Variants in NKAIN3 observed in about 807,000 individuals in gnomAD.
NKAIN3 encodes the protein sodium/potassium-transporting ATPase subunit beta-1-interacting protein 3.
A neutral mutation model predicts 30.2 loss-of-function variants in NKAIN3; 25 were observed. The ratio of observed to expected loss-of-function variants is 0.83; its 90% confidence interval spans 0.60 to 1.16. The LOEUF (loss-of-function observed/expected upper bound fraction) is 1.16, where lower values mean the gene tolerates loss of function less well. NKAIN3 is among the 50% of genes most tolerant of loss of function. NKAIN3 has a pLI of 0.00. For synonymous variants in NKAIN3, 91 were observed against 89.6 expected (o/e 1.02, Z -0.09); for missense variants, 225 against 254.1 (o/e 0.89, Z 0.78).
At chr8:62,538,502 C>T (rs946133435) in intron 1 of NKAIN3, among the ~76,000 whole-genome samples, 1 of 152,150 alleles carries the variant, frequency 6.6e-6, no homozygotes, top group Non-Finnish European at 1.5e-5. Context: ...TTTTCCTTAA[C>T]TTTTCCCCCC....
chr8:62,688,741 GACACACACACACAC>G (rs375008096), intron 3 of NKAIN3, among the ~76,000 whole-genome samples: 2 of 116,392 alleles, frequency 1.7e-5, no homozygotes, highest in Non-Finnish European at 2.0e-5. Context: ...CAGACAGACA[GACACACACACACAC>G]ACACACACAC....
At position 62,968,759 on chromosome 8, in the gene NKAIN3, T is replaced by A. The variant is rs1307707017; in HGVS notation, c.*3352T>A. Among the ~76,000 whole-genome samples, 1 of 152,196 alleles carries A rather than the reference T, an allele frequency of 6.6e-6. No homozygotes were observed. Among genetic ancestry groups the A allele is most frequent in the Non-Finnish European group, 1.5e-5 (1 of 68,040 alleles). On this transcript the variant is annotated 3_prime_UTR_variant, in exon 7 of 7. Coordinates refer to ENST00000623646, the MANE Select transcript of NKAIN3 (RefSeq NM_001304533.3). ...CGTGCCTTCTATCTTGTGTGAATGA[T>A]GCATCCTTTCTTAAGCGTCTTCTGC... is the stretch of plus-strand genomic sequence containing the variant.
intron 3 of NKAIN3, among the ~76,000 whole-genome samples, chr8:62,677,911 C>T (rs1369430702): frequency 1.3e-5 from 2 of 152,152 alleles, no homozygotes; most frequent in Non-Finnish European, 1.5e-5. Context: ...TCTAGCTAGG[C>T]TGGTCTCTGT....
At chr8:62,651,116 G>GA (rs934163893) in intron 3 of NKAIN3, among the ~76,000 whole-genome samples, 67 of 141,690 alleles carry the variant, frequency 4.7e-4, no homozygotes, top group South Asian at 6.7e-4. Flanking sequence ...GTACCTAAAA[G>GA]AAAAAAAAAA....
chr8:62,779,995 A>G (rs1027409968), intron 4 of NKAIN3, among the ~76,000 whole-genome samples: 1 of 152,124 alleles, frequency 6.6e-6, no homozygotes, highest in African/African-American at 2.4e-5. Context: ...AAACAATACA[A>G]AAGATCATTG....
chr8:62,842,270 GAA>G (rs879506612), intron 4 of NKAIN3, among the ~76,000 whole-genome samples: 2 of 151,828 alleles, frequency 1.3e-5, no homozygotes, highest in African/African-American at 4.8e-5. Context: ...AATAGCAACA[GAA>G]AAAAATTTAA....
At chr8:62,834,353 A>G (rs1819293084) in intron 4 of NKAIN3, among the ~76,000 whole-genome samples, 2 of 152,012 alleles carry the variant, frequency 1.3e-5, no homozygotes, top group Admixed American at 6.6e-5. Flanking sequence ...AATAAATAAA[A>G]TGTATCCAAA....
At chr8:62,669,788 A>G (rs1018137028) in intron 3 of NKAIN3, among the ~76,000 whole-genome samples, 1 of 152,192 alleles carries the variant, frequency 6.6e-6, no homozygotes, top group Non-Finnish European at 1.5e-5. Flanking sequence ...GTATTTAGAT[A>G]CTGCATGAGT....
At chr8:62,307,950 G>A (rs1158165243) in intron 1 of NKAIN3, among the ~76,000 whole-genome samples, 1 of 150,280 alleles carries the variant, frequency 6.7e-6, no homozygotes, top group East Asian at 1.9e-4. Flanking sequence ...GGCAAATAGA[G>A]CTGGTCAGAA....
chr8:62,796,282 G>A (rs948560237), intron 4 of NKAIN3, among the ~76,000 whole-genome samples: 1 of 146,422 alleles, frequency 6.8e-6, no homozygotes, highest in Non-Finnish European at 1.5e-5. Context: ...TACTCCAGAG[G>A]TTGGGACAGG....
intron 1 of NKAIN3, among the ~76,000 whole-genome samples, chr8:62,260,180 C>T (rs1363587858): frequency 1.3e-5 from 2 of 151,706 alleles, no homozygotes; most frequent in Non-Finnish European, 2.9e-5. Flanking sequence ...TAATGAGAGA[C>T]ACAGTAATAA....
At chr8:62,314,125 A>G (rs1026420793) in intron 1 of NKAIN3, among the ~76,000 whole-genome samples, 1 of 152,188 alleles carries the variant, frequency 6.6e-6, no homozygotes, top group Non-Finnish European at 1.5e-5. Context: ...CACTCAGAAT[A>G]AGATCATATG....
At chr8:62,296,993 C>T (rs1813851447) in intron 1 of NKAIN3, among the ~76,000 whole-genome samples, 1 of 152,132 alleles carries the variant, frequency 6.6e-6, no homozygotes, top group Non-Finnish European at 1.5e-5. Context: ...ATGACCAAGT[C>T]GTTCAGGTTC....
intron 3 of NKAIN3, among the ~76,000 whole-genome samples, chr8:62,686,440 G>T (rs1385508703): frequency 7.9e-5 from 12 of 151,936 alleles, no homozygotes; most frequent in Non-Finnish European, 1.5e-5. Context: ...GACAATCTCT[G>T]TACAGCCTGC....
intron 5 of NKAIN3, among the ~76,000 whole-genome samples, chr8:62,939,375 A>G (rs1044506224): frequency 4.6e-5 from 7 of 152,232 alleles, no homozygotes; most frequent in Non-Finnish European, 7.3e-5. Context: ...CTACAGATCT[A>G]GACATCCAAA....
chr8:62,845,997 A>G (rs1206058454), intron 4 of NKAIN3, among the ~76,000 whole-genome samples: 2 of 152,218 alleles, frequency 1.3e-5, no homozygotes, highest in African/African-American at 2.4e-5. Flanking sequence ...TAGAAGATAT[A>G]GAGTGAATTC....
chr8:62,266,307 C>G (rs1812595426), intron 1 of NKAIN3, among the ~76,000 whole-genome samples: 1 of 152,152 alleles, frequency 6.6e-6, no homozygotes, highest in African/African-American at 2.4e-5. Context: ...CATAAAACCA[C>G]TACTTTAGAG....
intron 4 of NKAIN3, among the ~76,000 whole-genome samples, chr8:62,854,895 C>T (rs2130779741): frequency 6.6e-6 from 1 of 152,246 alleles, no homozygotes; most frequent in East Asian, 1.9e-4. Flanking sequence ...AGAGGTTTAA[C>T]ATCCCACTGA....
intron 2 of NKAIN3, among the ~76,000 whole-genome samples, chr8:62,588,337 T>A (rs1810541752): frequency 6.6e-6 from 1 of 151,966 alleles, no homozygotes; most frequent in South Asian, 2.1e-4. Context: ...TTTTTACTTA[T>A]CTTAACTTTT....
Sources: allele counts gnomAD v4.1 joint callset (sites outside exome capture counted in the v4.1 genomes callset), GRCh38; gene constraint gnomAD v4.1.1; transcripts MANE v1.5; gene names NCBI Gene and HGNC (gene_info 2026-07-23, HGNC 2026-07-21).